CTNNA3: variants seen among roughly 807,000 people sequenced by gnomAD.
The protein encoded by CTNNA3 is catenin alpha-3.
Under a neutral mutation model 95.7 loss-of-function variants are expected in CTNNA3, and 76 were observed. That is an observed-to-expected ratio of 0.79 (90% CI 0.66 to 0.96). The LOEUF (loss-of-function observed/expected upper bound fraction) is 0.96. CTNNA3 is among the 40% of genes least tolerant of loss of function. The pLI is 0.00. For synonymous variants in CTNNA3, 431 were observed against 374.4 expected, an observed-to-expected ratio of 1.15 and a Z score of -1.74; for missense variants, 1,191 against 1,089.8, an observed-to-expected ratio of 1.09 and a Z score of -1.31.
rs35757406 is a variant in CTNNA3 at position 67,445,394 on chromosome 10, TA to T, written c.579+76447del. Among the ~76,000 whole-genome samples the T allele has an allele frequency of 0.027, 3,906 of 143,930 alleles. 357 individuals carry two copies. In the East Asian group the frequency reaches 0.34, roughly 12 times the overall value. The allele number at this position is 143,930 out of a possible 152,430, so 94.4% of individuals were successfully genotyped here. Reference sequence around the variant, plus strand: ...AATGATGTAGAGGAGCTAAATGCATTAAAAAAAAAAAGACCTGTTGATCTGT... The same window carrying T: ...AATGATGTAGAGGAGCTAAATGCATTAAAAAAAAAAGACCTGTTGATCTGT... On this transcript the variant is annotated intron_variant, in intron 5 of 17. Coordinates refer to ENST00000433211, the MANE Select transcript of CTNNA3 (RefSeq NM_013266.4).
chr10:66,572,043 C>A (rs1564540929), intron 10 of CTNNA3, among the ~76,000 whole-genome samples: 1 of 150,518 alleles, frequency 6.6e-6, no homozygotes, highest in Non-Finnish European at 1.5e-5. Flanking sequence ...TTACGGACAT[C>A]TTTTCATTAT....
intron 13 of CTNNA3, among the ~76,000 whole-genome samples, chr10:66,108,966 G>T (rs1210808209): frequency 1.3e-5 from 2 of 152,192 alleles, no homozygotes; most frequent in African/African-American, 4.8e-5. Flanking sequence ...ATGAGATTTT[G>T]TGTAGAGAAA....
Position 66,016,745 on chromosome 10 carries a change from G to C in CTNNA3, c.2160-27948C>G, listed in dbSNP as rs551292003. ...ACAGGCAACATATCATAAAAGAGAT[G>C]TGCTTCTATTCTCATCTAAAATATT... On this transcript the variant is annotated intron_variant, in intron 15 of 17. Coordinates refer to ENST00000433211, the MANE Select transcript of CTNNA3 (RefSeq NM_013266.4). Among the ~76,000 whole-genome samples the C allele has an allele frequency of 4.6e-5, 7 of 152,142 alleles. No individual in the cohort carries two copies. The East Asian group carries it at 1.4e-3, about 29-fold the overall frequency.
intron 15 of CTNNA3, among the ~76,000 whole-genome samples, chr10:65,991,797 T>C (rs2078551723): frequency 6.6e-6 from 1 of 151,970 alleles, no homozygotes; most frequent in Non-Finnish European, 1.5e-5. Flanking sequence ...TGAAGGGGAG[T>C]TATAAAAGTG....
chr10:66,003,848 A>G (rs1332706998), intron 15 of CTNNA3, among the ~76,000 whole-genome samples: 1 of 152,164 alleles, frequency 6.6e-6, no homozygotes. Context: ...CATACCCAGC[A>G]CTGCTGCATA....
chr10:66,551,484 C>T (rs1842213671), intron 10 of CTNNA3, among the ~76,000 whole-genome samples: 1 of 152,086 alleles, frequency 6.6e-6, no homozygotes, highest in East Asian at 1.9e-4. Context: ...CTTCTTGATG[C>T]TATAAACTTA....
At chr10:67,380,123 G>C (rs1222787999) in intron 5 of CTNNA3, among the ~76,000 whole-genome samples, 1 of 151,978 alleles carries the variant, frequency 6.6e-6, no homozygotes, top group Non-Finnish European at 1.5e-5. Context: ...TTCTATGTAA[G>C]GCAATGTTCT....
chr10:66,154,385 C>T (rs2084367815), intron 13 of CTNNA3, among the ~76,000 whole-genome samples: 1 of 151,736 alleles, frequency 6.6e-6, no homozygotes, highest in Non-Finnish European at 1.5e-5. Flanking sequence ...CTCTCCCATA[C>T]TACGACAGGT....
In CTNNA3 at chr10:66,744,397, C is replaced by A. The variant is rs185252905; in HGVS notation, c.1281+21867G>T. On this transcript the variant is annotated intron_variant, in intron 9 of 17. Coordinates refer to ENST00000433211, the MANE Select transcript of CTNNA3 (RefSeq NM_013266.4). ...TGTTTTTGTTTTAGTGTTAGAAGCACCTTATAGATCATCAACTTCCATATT... is the reference window on the plus strand; with the variant it reads ...TGTTTTTGTTTTAGTGTTAGAAGCAACTTATAGATCATCAACTTCCATATT... Among the ~76,000 whole-genome samples, 6 of 152,156 alleles carry A rather than the reference C, an allele frequency of 3.9e-5. No homozygotes were observed. The East Asian group carries it at 1.2e-3, about 29-fold the overall frequency.
chr10:67,417,529 A>T (rs762710662), intron 5 of CTNNA3, among the ~76,000 whole-genome samples: 4 of 152,186 alleles, frequency 2.6e-5, no homozygotes, highest in Non-Finnish European at 5.9e-5. Flanking sequence ...TTCAGAGTGG[A>T]TCTACCCTAA....
At chr10:67,122,748 T>C (rs1225788700) in intron 7 of CTNNA3, among the ~76,000 whole-genome samples, 2 of 152,104 alleles carry the variant, frequency 1.3e-5, no homozygotes, top group Non-Finnish European at 1.5e-5. Context: ...CTTAGGATTT[T>C]AATACTCCCT....
At chr10:66,620,406 T>G (rs1052095219) in intron 10 of CTNNA3, among the ~76,000 whole-genome samples, 1 of 152,090 alleles carries the variant, frequency 6.6e-6, no homozygotes, top group Non-Finnish European at 1.5e-5. Flanking sequence ...GTCACCGAAT[T>G]AGAAAGCCAA....
chr10:65,934,469 A>C (rs2077305394), intron 17 of CTNNA3, among the ~76,000 whole-genome samples: 1 of 152,100 alleles, frequency 6.6e-6, no homozygotes, highest in Non-Finnish European at 1.5e-5. Flanking sequence ...TGACTAGTCC[A>C]TTTGCTGTTG....
At chr10:66,897,872 A>T (rs2132514270) in intron 7 of CTNNA3, among the ~76,000 whole-genome samples, 1 of 152,296 alleles carries the variant, frequency 6.6e-6, no homozygotes, top group Non-Finnish European at 1.5e-5. Flanking sequence ...ACAGTGACTA[A>T]GTGAGAAATG....
At chr10:66,496,784 G>A (rs187648023) in intron 11 of CTNNA3, among the ~76,000 whole-genome samples, 32 of 152,222 alleles carry the variant, frequency 2.1e-4, no homozygotes, top group Middle Eastern at 3.4e-3. Flanking sequence ...TCAGAACAAC[G>A]GTGAATAATA....
chr10:67,330,229 G>A (rs1456235961), intron 5 of CTNNA3, among the ~76,000 whole-genome samples: 1 of 152,182 alleles, frequency 6.6e-6, no homozygotes, highest in Non-Finnish European at 1.5e-5. Flanking sequence ...ACATCTCACT[G>A]TCACATCTCT....
rs544619675 is a variant in CTNNA3, at chr10:66,328,526, G to A, written c.1733-47905C>T. Among the ~76,000 whole-genome samples the A allele has an allele frequency of 2.0e-4, 30 of 150,676 alleles. 1 individual carries two copies. Among genetic ancestry groups the A allele is most frequent in the Admixed American group, 1.9e-3 (28 of 14,964 alleles). On this transcript the variant is annotated intron_variant, in intron 12 of 17. Coordinates refer to ENST00000433211, the MANE Select transcript of CTNNA3 (RefSeq NM_013266.4). ...ATTCTCACTTTTCCTTCTAAAATCA[G>A]TGCAGCTCAGACTTGTCCATAGAGA... is the stretch of plus-strand genomic sequence containing the variant.
intron 9 of CTNNA3, among the ~76,000 whole-genome samples, chr10:66,629,751 T>C (rs1233382354): frequency 6.6e-6 from 1 of 152,128 alleles, no homozygotes; most frequent in African/African-American, 2.4e-5. Flanking sequence ...TGTACTTTTA[T>C]GTATCAATGC....
At chr10:66,379,729 C>T (rs1370306582) in intron 11 of CTNNA3, among the ~76,000 whole-genome samples, 1 of 152,038 alleles carries the variant, frequency 6.6e-6, no homozygotes. Flanking sequence ...CAATATTATA[C>T]AGATTATAAA....
Sources: gnomAD v4.1 joint callset for allele counts (sites outside exome capture counted in the v4.1 genomes callset) on GRCh38, gnomAD v4.1.1 for gene constraint, MANE v1.5 for transcripts, NCBI Gene and HGNC (gene_info 2026-07-23, HGNC 2026-07-21) for gene names.